Variants in NCAPH2 observed in about 807,000 individuals in gnomAD.
The protein encoded by NCAPH2 is condensin-2 complex subunit H2.
In NCAPH2, 56 loss-of-function variants were observed where a neutral mutation model predicts 88.6. The ratio of observed to expected loss-of-function variants is 0.63; its 90% CI spans 0.51 to 0.79. The LOEUF (loss-of-function observed/expected upper bound fraction) is 0.79. NCAPH2 is among the 30% of genes least tolerant of loss of function. The probability of loss-of-function intolerance (pLI) is 0.00; values close to 1 mark genes in which losing one functional copy is unlikely to be tolerated. For missense variants in NCAPH2, 794 were observed against 792.0 expected, an observed-to-expected ratio of 1.00 and a Z score of -0.03; for synonymous variants, 378 against 313.6, an observed-to-expected ratio of 1.21 and a Z score of -2.17.
Position 50,518,251 on chromosome 22 carries a change from G to A in NCAPH2, c.619G>A (p.Val207Ile), listed in dbSNP as rs200728457. ...CATGTCCCCCATGGAACCAGCGGGC[G>A]TTTCCCCCATGCCAGGGACCCAGAA... ...EGMSPMEPAG[V>I]SPMPGTQKDT... The change falls in exon 7 of 20, where the codon GTT becomes ATT. Residue 207 changes from valine to isoleucine, a missense_variant. Val to Ile is a conservative substitution (Grantham distance 29). Around this residue, in one of 2 missense-constraint regions of NCAPH2, gnomAD observed 735 missense variants for 696.3 expected, o/e 1.06. Transcript: ENST00000420993. 5.0e-5 allele frequency: 81 copies of A among 1,613,622 alleles called. No individual in the cohort carries two copies. Among genetic ancestry groups the A allele is most frequent in the African/African-American group, 2.0e-4 (15 of 75,054 alleles).
At chr22:50,512,086 A>G (rs1286405927) in intron 1 of NCAPH2, among the ~76,000 whole-genome samples, 2 of 152,210 alleles carry the variant, frequency 1.3e-5, no homozygotes, top group East Asian at 3.9e-4. Flanking sequence ...GCGACTGGCC[A>G]CAAGCCATTC....
intron 1 of NCAPH2, among the ~76,000 whole-genome samples, chr22:50,514,208 C>T (rs1337813234): frequency 6.6e-6 from 1 of 152,070 alleles, no homozygotes; most frequent in Non-Finnish European, 1.5e-5. Context: ...TGGAGGCCTC[C>T]CTCTGGCTCC....
At chr22:50,518,560 T>C in intron 7 of NCAPH2, 89 bp from the exon 8 acceptor site, 8 of 1,337,330 alleles carry the variant, frequency 6.0e-6, no homozygotes, top group Non-Finnish European at 1.0e-6. Context: ...GCCCTCCTGC[T>C]GGCCCCTTGG....
Position 50,509,314 on chromosome 22 carries a change from G to C in NCAPH2, c.108+869G>C, listed in dbSNP as rs145336973. On this transcript the variant is annotated intron_variant, in intron 1 of 19. Transcript: ENST00000420993. ...CCTCCAAATCTACTTTACATATCCA[G>C]CTGCTCTCTTGACATCTAGTGGGTG... Among the ~76,000 whole-genome samples the C allele has an allele frequency of 5.0e-3, 764 of 151,930 alleles. 6 individuals are homozygous for C. Among genetic ancestry groups the C allele is most frequent in the African/African-American group, 0.017 (691 of 41,402 alleles).
chr22:50,521,003 G>T lies in NCAPH2; in HGVS notation c.900G>T (p.Arg300=). Residue 300 remains arginine (R), a synonymous_variant, in exon 10 of 20, where the codon CGG becomes CGT. Transcript: ENST00000420993. ...CCAGGAGGTACATGCTGCGGGAGCG[G>T]GAGGGGGCCCCAGAGCCTGCATCCT... ...ALPRRYMLRE[R]EGAPEPASCV... 1 of 1,551,014 alleles carries T rather than the reference G, an allele frequency of 6.4e-7. No individual in the cohort carries two copies. Among genetic ancestry groups the T allele is most frequent in the Non-Finnish European group, 8.7e-7 (1 of 1,146,976 alleles).
At chr22:50,522,447 T>C in intron 15 of NCAPH2, 32 bp downstream of exon 15, 1 of 1,612,950 alleles carries the variant, frequency 6.2e-7, no homozygotes, top group South Asian at 1.1e-5. Context: ...GGGTGGGGCT[T>C]GGCACCTGCC....
chr22:50,518,725 G>A lies in NCAPH2; in HGVS notation c.723G>A (p.Gln241=), dbSNP rs1295098927. Residue 241 remains glutamine, a synonymous_variant, in exon 8 of 20, where the codon CAG becomes CAA. Transcript: ENST00000420993. ...RSPVPALGFS[Q]EPGPSPEGPM... ...CTGTCCCAGCACTCGGCTTCTCCCA[G>A]GAGCCAGGTGAGAAGAGAGCTCCCC... is the stretch of plus-strand genomic sequence containing the variant. 6.2e-7 allele frequency: 1 copy of A among 1,604,362 alleles called. No homozygotes were observed. Among genetic ancestry groups the A allele is most frequent in the South Asian group, 1.1e-5 (1 of 89,134 alleles).
intron 1 of NCAPH2, among the ~76,000 whole-genome samples, chr22:50,509,890 C>A (rs193210047): frequency 6.6e-6 from 1 of 151,904 alleles, no homozygotes; most frequent in Non-Finnish European, 1.5e-5. Context: ...GATCTTCATG[C>A]TTTCTGCCCC....
At position 50,524,691 on chromosome 22, in the gene NCAPH2, A is replaced by G. The variant is rs2069255887; in HGVS notation, c.*1316A>G. On this transcript the variant is annotated 3_prime_UTR_variant, in exon 20 of 20. Coordinates refer to ENST00000420993, the MANE Select transcript of NCAPH2 (RefSeq NM_152299.4). ...CCTGCACCTGCACCTCAGCAAGGTG[A>G]ACCTCTTGCTGACGGAAAGCATTCC... 2 of 662,864 alleles carry G rather than the reference A, an allele frequency of 3.0e-6. No individual in the cohort carries two copies. The highest frequency in any genetic ancestry group is 5.7e-6 in the Non-Finnish European group (2 of 350,324). The allele number at this position is 662,864 out of a possible 1,614,324, so 41.1% of individuals were successfully genotyped here.
Position 50,519,196 on chromosome 22 carries a change from C to T in NCAPH2, c.737C>T (p.Ser246Phe), listed in dbSNP as rs35941723. ...ALGFSQEPGP[S>F]PEGPMPLGGG... The stretch of plus-strand genomic sequence containing the variant: ...TCTCTTGCTCCCTGCCTAGGCCCCT[C>T]TCCAGAAGGCCCGATGCCCCTGGGT... The change falls in exon 9 of 20, where the codon TCT becomes TTT. Residue 246 changes from serine (S) to phenylalanine (F), a missense_variant. Transcript: ENST00000420993. 2.4e-5 allele frequency: 39 copies of T among 1,608,874 alleles called. No individual in the cohort carries two copies. The highest frequency in any genetic ancestry group is 6.8e-6 in the Non-Finnish European group (8 of 1,178,404).
intron 1 of NCAPH2, among the ~76,000 whole-genome samples, chr22:50,515,101 C>T (rs1229724415): frequency 6.6e-6 from 1 of 152,248 alleles, no homozygotes; most frequent in Non-Finnish European, 1.5e-5. Flanking sequence ...ACTAATGCTG[C>T]TCACACAGTT....
At chr22:50,521,480 C>T (rs894800835) in intron 10 of NCAPH2, 63 bp from the exon 11 acceptor site, 4 of 1,558,736 alleles carry the variant, frequency 2.6e-6, no homozygotes, top group Non-Finnish European at 3.5e-6. Flanking sequence ...ATCCCCTACT[C>T]CTTTGGGAGG....
chr22:50,516,565 G>A lies in NCAPH2; in HGVS notation c.210+17G>A, dbSNP rs572597393. 4.3e-5 allele frequency: 69 copies of A among 1,611,408 alleles called. No homozygotes were observed. The African/African-American group carries it at 5.9e-4, about 14-fold the overall frequency. On this transcript the variant is annotated intron_variant, in intron 2 of 19. Transcript: ENST00000420993. Reference sequence around the variant, plus strand: ...AGTAAGAAGGTGGGCCCTGCTTGACGCTGGTCTTGGCATTTTGGTGGCCAG... The same window carrying A: ...AGTAAGAAGGTGGGCCCTGCTTGACACTGGTCTTGGCATTTTGGTGGCCAG...
At chr22:50,519,826 AT>A in intron 9 of NCAPH2, 1 of 903,944 alleles carries the variant, frequency 1.1e-6, no homozygotes, top group Non-Finnish European at 1.3e-6. Flanking sequence ...TATTCTATTC[AT>A]TTTTCCTAGT....
chr22:50,519,471 C>T, intron 9 of NCAPH2, 151 bp downstream of exon 9: 2 of 1,444,744 alleles, frequency 1.4e-6, no homozygotes, highest in Non-Finnish European at 9.1e-7. Context: ...TGCAGCCCGT[C>T]CTGCAACCAG....
chr22:50,508,662 G>T (rs1188483240), intron 1 of NCAPH2, among the ~76,000 whole-genome samples: 1 of 152,202 alleles, frequency 6.6e-6, no homozygotes, highest in Admixed American at 6.5e-5. Context: ...GTCATTGCAG[G>T]TTTCTACCCG....
chr22:50,521,069 G>A, intron 10 of NCAPH2, 33 bp downstream of exon 10: 1 of 1,547,550 alleles, frequency 6.5e-7, no homozygotes, highest in Non-Finnish European at 8.7e-7. Flanking sequence ...CCCCGGCAGG[G>A]AGGGATGGGC....
intron 13 of NCAPH2, 68 bp from the exon 14 acceptor site, chr22:50,522,113 A>C: frequency 1.2e-6 from 2 of 1,612,516 alleles, no homozygotes; most frequent in South Asian, 2.2e-5. Flanking sequence ...GTGTCACCCA[A>C]AGCCTTGGGT....
rs375189030 is a variant in NCAPH2, at chr22:50,521,711, G to A, written c.1001-30G>A. ...GGGCTTTGCACCCTGATCCCCCAGC[G>A]GCTCTAAGACAGTCCCTGTTTGCCC... On this transcript the variant is annotated intron_variant, in intron 11 of 19. Coordinates refer to ENST00000420993, the MANE Select transcript of NCAPH2 (RefSeq NM_152299.4). The A allele has an allele frequency of 5.1e-5, 82 of 1,612,858 alleles. 1 individual carries two copies. Among genetic ancestry groups the A allele is most frequent in the Middle Eastern group, 4.9e-4 (3 of 6,084 alleles).
Sources: allele counts gnomAD v4.1 joint callset (sites outside exome capture counted in the v4.1 genomes callset), GRCh38; gene constraint gnomAD v4.1.1; regional missense constraint gnomAD v4.1.1; transcripts MANE v1.5; gene names NCBI Gene and HGNC (gene_info 2026-07-23, HGNC 2026-07-21).